The following ARHGAP22 variants were observed in gnomAD, a reference collection of about 807,000 sequenced individuals.
ARHGAP22 encodes Rho GTPase activating protein 22, also known as rho GTPase-activating protein 22.
Under a neutral mutation model 59.1 loss-of-function variants are expected in ARHGAP22, and 48 were observed. That is an observed-to-expected ratio of 0.81 (90% CI 0.64 to 1.03). ARHGAP22 has a LOEUF of 1.03. Among genes scored for constraint, ARHGAP22 ranks in the 50% least tolerant of loss-of-function variants. ARHGAP22 has a pLI of 0.00. For synonymous variants in ARHGAP22, 445 were observed against 416.4 expected (o/e 1.07, Z -0.84); for missense variants, 1,015 against 958.7 (o/e 1.06, Z -0.78).
intron 4 of ARHGAP22, among the ~76,000 whole-genome samples, chr10:48,473,215 T>A (rs887565478): frequency 6.6e-6 from 1 of 152,214 alleles, no homozygotes; most frequent in African/African-American, 2.4e-5. Flanking sequence ...GAGAACATTA[T>A]GCAAAATGAA....
intron 2 of ARHGAP22, among the ~76,000 whole-genome samples, chr10:48,560,017 T>C (rs2057581851): frequency 6.6e-6 from 1 of 152,204 alleles, no homozygotes; most frequent in Admixed American, 6.5e-5. Context: ...CCAAAAGATA[T>C]GCCTGTCCTA....
At chr10:48,577,804 T>C (rs1277729235) in intron 2 of ARHGAP22, among the ~76,000 whole-genome samples, 2,602 of 50,190 alleles carry the variant, frequency 0.052, 91 homozygotes, top group African/African-American at 0.16. Flanking sequence ...TTTTTTGGTT[T>C]TTTTTTTTTT....
chr10:48,576,920 C>T (rs2058751200), intron 2 of ARHGAP22, among the ~76,000 whole-genome samples: 1 of 149,876 alleles, frequency 6.7e-6, no homozygotes, highest in Non-Finnish European at 1.5e-5. Flanking sequence ...CACACCGCCA[C>T]CCACCGCCAC....
intron 1 of ARHGAP22, among the ~76,000 whole-genome samples, chr10:48,615,951 A>G (rs1356529723): frequency 1.4e-5 from 2 of 147,164 alleles, no homozygotes; most frequent in African/African-American, 2.6e-5. Flanking sequence ...AGTCTGAGGA[A>G]CAGAAAAAAA....
At chr10:48,430,176 C>G in the ARHGAP22 span, 1 of 152,306 alleles carries the variant, frequency 6.6e-6, no homozygotes, top group Non-Finnish European at 1.5e-5. Flanking sequence ...TCACTGCAAC[C>G]TCTGCCTCCC....
At chr10:48,589,894 A>G (rs775139454) in intron 1 of ARHGAP22, among the ~76,000 whole-genome samples, 1 of 152,150 alleles carries the variant, frequency 6.6e-6, no homozygotes, top group Non-Finnish European at 1.5e-5. Flanking sequence ...GGTATTTACT[A>G]CACACAGAGG....
At chr10:48,541,337 A>G (rs1305702308) in intron 3 of ARHGAP22, among the ~76,000 whole-genome samples, 1 of 152,134 alleles carries the variant, frequency 6.6e-6, no homozygotes, top group East Asian at 1.9e-4. Flanking sequence ...AATTTTATCT[A>G]CATCTTTGTT....
intron 1 of ARHGAP22, among the ~76,000 whole-genome samples, chr10:48,598,743 C>G (rs1452500382): frequency 6.6e-6 from 1 of 152,236 alleles, no homozygotes. Context: ...CCTCACATCA[C>G]CTTGTCCTCC....
At chr10:48,520,042 G>A (rs537988902) in intron 3 of ARHGAP22, among the ~76,000 whole-genome samples, 1 of 152,322 alleles carries the variant, frequency 6.6e-6, no homozygotes, top group South Asian at 2.1e-4. Context: ...GGCCTCCAGG[G>A]CAGGAGCACA....
intron 2 of ARHGAP22, among the ~76,000 whole-genome samples, chr10:48,563,733 A>G (rs2057864215): frequency 6.6e-6 from 1 of 152,226 alleles, no homozygotes; most frequent in Non-Finnish European, 1.5e-5. Context: ...GATCACATAT[A>G]TTTGATAAAA....
chr10:48,645,117 T>C (rs2062235909), intron 1 of ARHGAP22, among the ~76,000 whole-genome samples: 1 of 152,112 alleles, frequency 6.6e-6, no homozygotes. Flanking sequence ...CAAAGAATAC[T>C]ATGAACAACC....
chr10:48,460,173 AGGAGCAAATGGCCCTT>A (rs2047002268), intron 4 of ARHGAP22, among the ~76,000 whole-genome samples: 1 of 152,192 alleles, frequency 6.6e-6, no homozygotes, highest in South Asian at 2.1e-4. Flanking sequence ...TGCCCAAGCC[AGGAGCAAATGGCCCTT>A]GGGAGCGTTC....
intron 2 of ARHGAP22, among the ~76,000 whole-genome samples, chr10:48,563,762 A>AT (rs1217482005): frequency 6.6e-6 from 1 of 152,232 alleles, no homozygotes. Flanking sequence ...TGTAAATCTG[A>AT]TATGCTATAA....
intron 1 of ARHGAP22, among the ~76,000 whole-genome samples, chr10:48,589,466 T>C (rs1306276122): frequency 1.3e-5 from 2 of 152,174 alleles, no homozygotes; most frequent in Non-Finnish European, 2.9e-5. Context: ...AGCTTCAGAC[T>C]CATGTGTCAA....
At chr10:48,577,379 C>T (rs2058785306) in intron 2 of ARHGAP22, among the ~76,000 whole-genome samples, 1 of 152,178 alleles carries the variant, frequency 6.6e-6, no homozygotes, top group Non-Finnish European at 1.5e-5. Flanking sequence ...GTCTGCTGAA[C>T]CAGGCCTATC....
intron 1 of ARHGAP22, among the ~76,000 whole-genome samples, chr10:48,617,098 T>C (rs2136005317): frequency 6.6e-6 from 1 of 151,642 alleles, no homozygotes; most frequent in East Asian, 1.9e-4. Context: ...GAAAAAAAGT[T>C]TTGTAATACT....
chr10:48,456,313 G>C (rs1413148799), intron 5 of ARHGAP22, among the ~76,000 whole-genome samples: 2 of 152,158 alleles, frequency 1.3e-5, no homozygotes, highest in African/African-American at 4.8e-5. Flanking sequence ...GGATTCTGGG[G>C]TTCCATGTAT....
At chr10:48,638,124 C>T (rs557314495) in intron 1 of ARHGAP22, among the ~76,000 whole-genome samples, 89 of 152,280 alleles carry the variant, frequency 5.8e-4, no homozygotes, top group African/African-American at 2.0e-3. Context: ...AATCTTCCAC[C>T]GTTTTCCCCT....
At chr10:48,579,619 A>AG (rs954673126) in intron 2 of ARHGAP22, among the ~76,000 whole-genome samples, 84 of 152,040 alleles carry the variant, frequency 5.5e-4, no homozygotes, top group African/African-American at 2.0e-3. Context: ...AGATGGGGAG[A>AG]GGGGAAGAGA....
Sources: gnomAD v4.1 joint callset for allele counts (sites outside exome capture counted in the v4.1 genomes callset) on GRCh38, gnomAD v4.1.1 for gene constraint, MANE v1.5 for transcripts, NCBI Gene and HGNC (gene_info 2026-07-23, HGNC 2026-07-21) for gene names.